Variants in GNA14 observed in about 807,000 individuals in gnomAD.
GNA14 encodes the protein G protein subunit alpha 14, also known as guanine nucleotide-binding protein subunit alpha-14.
GNA14 carries 50 observed loss-of-function variants against 42.0 expected under a neutral mutation model. That is an observed-to-expected ratio of 1.19 (90% CI 0.95 to 1.51). GNA14 has a LOEUF of 1.51. GNA14 is among the 40% of genes most tolerant of loss of function. The pLI, the probability that GNA14 is intolerant of heterozygous loss-of-function variation, is 0.00. For missense variants in GNA14, 473 were observed against 446.2 expected (o/e 1.06, Z -0.54); for synonymous variants, 173 against 163.1 (o/e 1.06, Z -0.46).
At chr9:77,492,737 C>T (rs1463853388) in intron 2 of GNA14, among the ~76,000 whole-genome samples, 2 of 151,934 alleles carry the variant, frequency 1.3e-5, no homozygotes, top group African/African-American at 4.8e-5. Context: ...CACTGTGGCT[C>T]ACGCCTGTAA....
At chr9:77,474,147 C>A (rs946152293) in intron 2 of GNA14, among the ~76,000 whole-genome samples, 1 of 152,026 alleles carries the variant, frequency 6.6e-6, no homozygotes, top group East Asian at 1.9e-4. Context: ...AAGAAAAAAC[C>A]GATAAGTTGG....
chr9:77,627,786 A>G (rs1373182676), intron 1 of GNA14, among the ~76,000 whole-genome samples: 4 of 152,208 alleles, frequency 2.6e-5, no homozygotes, highest in Non-Finnish European at 4.4e-5. Flanking sequence ...AGCCAATATC[A>G]TACTGAATGG....
intron 2 of GNA14, among the ~76,000 whole-genome samples, chr9:77,487,332 T>C (rs928955048): frequency 2.0e-5 from 3 of 152,058 alleles, no homozygotes; most frequent in Admixed American, 6.6e-5. Flanking sequence ...AGTGAGACCA[T>C]GGAGAAGGGG....
chr9:77,457,154 G>T (rs1359410619), intron 2 of GNA14, among the ~76,000 whole-genome samples: 1 of 152,228 alleles, frequency 6.6e-6, no homozygotes, highest in Non-Finnish European at 1.5e-5. Context: ...CTGTTTCAGA[G>T]CTAATATGAA....
intron 1 of GNA14, among the ~76,000 whole-genome samples, chr9:77,642,813 A>G (rs998443546): frequency 1.3e-5 from 2 of 152,142 alleles, no homozygotes; most frequent in African/African-American, 4.8e-5. Flanking sequence ...AAACTCAATG[A>G]AATCTGGTCC....
chr9:77,530,582 A>C (rs526580), intron 1 of GNA14, among the ~76,000 whole-genome samples: 3,402 of 152,366 alleles, frequency 0.022, 55 homozygotes, highest in Non-Finnish European at 0.036. Context: ...TGGTTAAATA[A>C]TCTCTGCAAG....
chr9:77,605,393 A>G (rs1823630933), intron 1 of GNA14, among the ~76,000 whole-genome samples: 1 of 151,722 alleles, frequency 6.6e-6, no homozygotes, highest in South Asian at 2.1e-4. Flanking sequence ...GCTATCCTAC[A>G]ATATGGCACA....
intron 1 of GNA14, among the ~76,000 whole-genome samples, chr9:77,563,019 A>C (rs1305971104): frequency 6.6e-6 from 1 of 152,164 alleles, no homozygotes; most frequent in Non-Finnish European, 1.5e-5. Context: ...CCCGTTATTA[A>C]ATTTCCAGCA....
At chr9:77,478,790 AT>A (rs1330782469) in intron 2 of GNA14, among the ~76,000 whole-genome samples, 2 of 152,074 alleles carry the variant, frequency 1.3e-5, no homozygotes, top group East Asian at 1.9e-4. Flanking sequence ...GATGATGAGC[AT>A]TTTTTTATGT....
chr9:77,614,374 C>G (rs919889540), intron 1 of GNA14, among the ~76,000 whole-genome samples: 1 of 152,140 alleles, frequency 6.6e-6, no homozygotes. Flanking sequence ...GCCTAACCAC[C>G]CTGGATCCTC....
At chr9:77,548,585 T>C (rs576298306) in intron 1 of GNA14, among the ~76,000 whole-genome samples, 7 of 152,334 alleles carry the variant, frequency 4.6e-5, no homozygotes, top group African/African-American at 9.6e-5. Context: ...TAGGGATTCA[T>C]GCACATTTTC....
intron 1 of GNA14, among the ~76,000 whole-genome samples, chr9:77,536,130 A>T (rs1837594565): frequency 6.6e-6 from 1 of 152,116 alleles, no homozygotes; most frequent in Non-Finnish European, 1.5e-5. Context: ...ATAAAAGGAG[A>T]AGTAGCAATA....
Position 77,561,964 on chromosome 9 carries a change from C to T in GNA14, c.125-32711G>A, listed in dbSNP as rs373402748. 7.6e-4 allele frequency among the ~76,000 whole-genome samples: 115 copies of T among 152,308 alleles called. 3 individuals carry two copies. In the South Asian group the frequency reaches 0.023, roughly 31 times the overall value. On this transcript the variant is annotated intron_variant, in intron 1 of 6. Transcript: ENST00000341700. Reference sequence around the variant, plus strand: ...CTCCTCTTTTGCTTCACTTCACTTTCTCCCTTTTTGGGGATAAAGCCCAAA... The same window carrying T: ...CTCCTCTTTTGCTTCACTTCACTTTTTCCCTTTTTGGGGATAAAGCCCAAA...
intron 1 of GNA14, among the ~76,000 whole-genome samples, chr9:77,610,553 C>T (rs1048167793): frequency 2.0e-5 from 3 of 152,152 alleles, no homozygotes; most frequent in Admixed American, 6.6e-5. Flanking sequence ...AAAGGCCCCA[C>T]TTCCAAATAT....
chr9:77,615,749 ACAC>A (rs1823802789), intron 1 of GNA14, among the ~76,000 whole-genome samples: 1 of 144,528 alleles, frequency 6.9e-6, no homozygotes, highest in Non-Finnish European at 1.5e-5. Flanking sequence ...ACACACACAC[ACAC>A]GTTTAAATAA....
chr9:77,453,236 C>T (rs184489939), intron 2 of GNA14, among the ~76,000 whole-genome samples: 1 of 152,222 alleles, frequency 6.6e-6, no homozygotes, highest in African/African-American at 2.4e-5. Flanking sequence ...CTCTGAGGAG[C>T]AGACTCTCAC....
chr9:77,616,801 G>C (rs1395981126), intron 1 of GNA14, among the ~76,000 whole-genome samples: 1 of 152,170 alleles, frequency 6.6e-6, no homozygotes. Flanking sequence ...CCAGCTCTCT[G>C]TGTTAGGGCA....
intron 2 of GNA14, among the ~76,000 whole-genome samples, chr9:77,523,168 T>C (rs1564042133): frequency 6.6e-6 from 1 of 152,242 alleles, no homozygotes; most frequent in Non-Finnish European, 1.5e-5. Context: ...ATTATTGTAT[T>C]TGTCCATTCT....
chr9:77,543,423 A>T (rs1356791470), intron 1 of GNA14, among the ~76,000 whole-genome samples: 1 of 152,236 alleles, frequency 6.6e-6, no homozygotes, highest in Non-Finnish European at 1.5e-5. Context: ...CAGTGGCATC[A>T]GCTCCAGGGA....
Sources: allele counts gnomAD v4.1 joint callset (sites outside exome capture counted in the v4.1 genomes callset), GRCh38; gene constraint gnomAD v4.1.1; transcripts MANE v1.5; gene names NCBI Gene and HGNC (gene_info 2026-07-23, HGNC 2026-07-21).